The following TUT4 variants were observed in gnomAD, a reference collection of about 807,000 sequenced individuals.
TUT4 encodes terminal uridylyltransferase 4.
A neutral mutation model predicts 192.2 loss-of-function variants in TUT4; 36 were observed. The ratio of observed to expected loss-of-function variants is 0.19; its 90% CI spans 0.14 to 0.25. TUT4 has a LOEUF of 0.25. TUT4 is among the 10% of genes least tolerant of loss of function. TUT4 has a pLI of 1.00. For synonymous variants in TUT4, 618 were observed against 666.0 expected, an observed-to-expected ratio of 0.93 and a Z score of 1.11; for missense variants, 1,493 against 1,957.2, an observed-to-expected ratio of 0.76 and a Z score of 4.47.
rs193265871 is a variant in TUT4 at position 52,501,908 on chromosome 1, G to T, written c.1000-4725C>A. ...GGTACCTACAATAGACAAGCAAATA[G>T]AAACAGAAAATAGAATGGTGGTTAC... On this transcript the variant is annotated intron_variant, in intron 4 of 29. Coordinates refer to ENST00000257177, the MANE Select transcript of TUT4 (RefSeq NM_001009881.3). Among the ~76,000 whole-genome samples the T allele has an allele frequency of 6.3e-3, 966 of 152,174 alleles. 8 individuals carry two copies. The highest frequency in any genetic ancestry group is 0.021 in the African/African-American group (891 of 41,500).
chr1:52,525,700 A>C lies in TUT4; in HGVS notation c.581T>G (p.Val194Gly). 1 of 1,613,994 alleles carries C rather than the reference A, an allele frequency of 6.2e-7. No homozygotes were observed. Residue 194 changes from valine (V) to glycine (G), a missense_variant, in exon 2 of 30, where the codon GTG becomes GGG. Transcript: ENST00000257177. ...IPSSFTSVDKVNIEAVGGEKC... is the reference protein window; with the variant it reads ...IPSSFTSVDKGNIEAVGGEKC... ...TTCTCCCCCTACAGCTTCAATATTC[A>C]CTTTGTCCACAGAAGTAAAGGAGCT...
intron 19 of TUT4, among the ~76,000 whole-genome samples, chr1:52,458,833 A>C (rs767572072): frequency 1.3e-5 from 2 of 152,220 alleles, no homozygotes; most frequent in Admixed American, 1.3e-4. Context: ...CAGCAATCCT[A>C]TTCTAAGAAT....
intron 16 of TUT4, among the ~76,000 whole-genome samples, chr1:52,464,292 GTCACC>G (rs1663462549): frequency 6.6e-6 from 1 of 151,656 alleles, no homozygotes; most frequent in African/African-American, 2.4e-5. Flanking sequence ...GTCTCACTCT[GTCACC>G]AGGCTGGAGT....
Position 52,477,833 on chromosome 1 carries a change from C to T in TUT4, c.1898G>A (p.Trp633Ter), listed in dbSNP as rs1667483365. ...TGTGTAGAATTTAAGCAGCTCTAAC[C>T]ATAACTGTCCCAAGGATACCCGATT... ...TPNRVSLGQLWLELLKFYTLD... is the reference protein window; with the variant it reads ...TPNRVSLGQL Residue 633 changes from tryptophan to a stop codon, truncating the protein, a stop_gained, in exon 12 of 30, where the codon TGG (tryptophan) becomes TAG (stop). Transcript: ENST00000257177. LOFTEE classifies it high-confidence loss of function. 1 of 1,613,756 alleles carries T rather than the reference C, an allele frequency of 6.2e-7. No homozygotes were observed. The highest frequency in any genetic ancestry group is 1.3e-5 in the African/African-American group (1 of 74,890).
chr1:52,519,788 C>G lies in TUT4; in HGVS notation c.719-3734G>C, dbSNP rs935816005. 4.6e-5 allele frequency among the ~76,000 whole-genome samples: 7 copies of G among 152,162 alleles called. No individual in the cohort carries two copies. The South Asian group carries it at 1.0e-3, about 23-fold the overall frequency. The stretch of plus-strand genomic sequence containing the variant: ...CCTCCCAAAGTGCTGGGATTACAGG[C>G]GCGAGCCACTGCACCTGGCCTTGAA... On this transcript the variant is annotated intron_variant, in intron 2 of 29. Transcript: ENST00000257177.
intron 1 of TUT4, among the ~76,000 whole-genome samples, chr1:52,534,701 A>C (rs915978014): frequency 3.3e-5 from 5 of 151,672 alleles, no homozygotes; most frequent in East Asian, 1.9e-4. Context: ...AAAAAAAAAA[A>C]AACAAACAAA....
intron 11 of TUT4, among the ~76,000 whole-genome samples, chr1:52,478,964 T>C (rs1454088737): frequency 5.3e-5 from 8 of 151,986 alleles, no homozygotes; most frequent in Non-Finnish European, 1.2e-4. Flanking sequence ...GTAAGTAAAT[T>C]ACATAGTAAC....
intron 1 of TUT4, among the ~76,000 whole-genome samples, chr1:52,538,332 T>C (rs1685525328): frequency 6.6e-6 from 1 of 151,930 alleles, no homozygotes; most frequent in East Asian, 1.9e-4. Flanking sequence ...GCATGTAACA[T>C]GAAAGACAAA....
Position 52,475,364 on chromosome 1 carries a change from T to C in TUT4, c.2195A>G (p.Asn732Ser). ...ATTGTTCGACTTGACTGGTTTCTTA[T>C]TGCTTATTTTCCCCTTCTCTCTTTT... Reference protein sequence around the residue: ...FKKREKGKISNKKPVKSNNMA... With the variant: ...FKKREKGKISSKKPVKSNNMA... Residue 732 changes from asparagine to serine, a missense_variant, in exon 13 of 30, where the codon AAT (asparagine) becomes AGT (serine). Asn to Ser is a conservative substitution (Grantham distance 46, BLOSUM62 1). Transcript: ENST00000257177. 1.2e-6 allele frequency: 2 copies of C among 1,614,180 alleles called. No individual in the cohort carries two copies. Among genetic ancestry groups the C allele is most frequent in the South Asian group, 1.1e-5 (1 of 91,086 alleles).
chr1:52,447,453 A>AAAAAAAAC (rs201679877), intron 20 of TUT4, among the ~76,000 whole-genome samples: 2 of 149,712 alleles, frequency 1.3e-5, no homozygotes, highest in Middle Eastern at 3.4e-3. Context: ...CATCTCACCA[A>AAAAAAAAC]AAAAAAACAA....
chr1:52,521,178 C>T (rs183297239), intron 2 of TUT4, among the ~76,000 whole-genome samples: 81 of 152,258 alleles, frequency 5.3e-4, no homozygotes, highest in Non-Finnish European at 7.4e-4. Context: ...GTGGAATTAT[C>T]GGTTCCATCA....
chr1:52,437,987 C>A (rs916284060), intron 25 of TUT4, among the ~76,000 whole-genome samples: 6 of 150,218 alleles, frequency 4.0e-5, no homozygotes, highest in Non-Finnish European at 7.4e-5. Flanking sequence ...AAAACAAAAA[C>A]AAAAAAAAAC....
chr1:52,447,928 C>T (rs1353474649), intron 20 of TUT4, among the ~76,000 whole-genome samples: 1 of 152,232 alleles, frequency 6.6e-6, no homozygotes, highest in Admixed American at 6.5e-5. Context: ...AACCACAATA[C>T]CATTTAAATC....
chr1:52,465,666 C>G (rs1663909701), intron 15 of TUT4, among the ~76,000 whole-genome samples: 1 of 152,198 alleles, frequency 6.6e-6, no homozygotes, highest in South Asian at 2.1e-4. Flanking sequence ...GGACTGCCCT[C>G]TTAAAAATAA....
At chr1:52,432,211 T>A (rs1652311220) in intron 27 of TUT4, 1 of 152,032 alleles carries the variant, frequency 6.6e-6, no homozygotes, top group African/African-American at 2.4e-5. Context: ...TAAAGTCACT[T>A]TGGGAGAAGG....
At chr1:52,449,551 C>T (rs978994377) in intron 20 of TUT4, among the ~76,000 whole-genome samples, 1 of 152,180 alleles carries the variant, frequency 6.6e-6, no homozygotes, top group South Asian at 2.1e-4. Context: ...CTACCCCCCT[C>T]GGCCGCCCAA....
At chr1:52,514,466 T>C (rs1014953013) in intron 3 of TUT4, among the ~76,000 whole-genome samples, 1 of 152,090 alleles carries the variant, frequency 6.6e-6, no homozygotes, top group Admixed American at 6.6e-5. Flanking sequence ...ACAAAAAGTA[T>C]AAGAGCAAAT....
rs1324181117 is a variant in TUT4, at chr1:52,474,325, G to A, written c.2727+507C>T. On this transcript the variant is annotated intron_variant, in intron 13 of 29. Transcript: ENST00000257177. ...ATCCAGAGGCTCAGTAGCAGAAACAGAATCTGGATTCTTCATTTTTTTGAC... is the reference window on the plus strand; with the variant it reads ...ATCCAGAGGCTCAGTAGCAGAAACAAAATCTGGATTCTTCATTTTTTTGAC... Among the ~76,000 whole-genome samples, 6 of 152,164 alleles carry A rather than the reference G, an allele frequency of 3.9e-5. No homozygotes were observed. In the East Asian group the frequency reaches 1.2e-3, roughly 29 times the overall value.
intron 18 of TUT4, 142 bp downstream of exon 18, chr1:52,461,371 T>G (rs1220730336): frequency 9.0e-7 from 1 of 1,106,964 alleles, no homozygotes; most frequent in Non-Finnish European, 1.3e-6. Flanking sequence ...AAACTGACCT[T>G]CAATCTGAAG....
Sources: allele counts gnomAD v4.1 joint callset (sites outside exome capture counted in the v4.1 genomes callset), GRCh38; gene constraint gnomAD v4.1.1; transcripts MANE v1.5; gene names NCBI Gene and HGNC (gene_info 2026-07-23, HGNC 2026-07-21).